ANKRD44: variants seen among roughly 807,000 people sequenced by gnomAD.
ANKRD44 encodes ankyrin repeat domain 44.
Under a neutral mutation model 116.0 loss-of-function variants are expected in ANKRD44, and 35 were observed. The observed-to-expected ratio is 0.30, with a 90% CI of 0.23 to 0.40. ANKRD44 has a LOEUF of 0.40. ANKRD44 is among the 10% of genes least tolerant of loss of function. The probability of loss-of-function intolerance (pLI) is 1.00; values close to 1 mark genes in which losing one functional copy is unlikely to be tolerated. For missense variants in ANKRD44, 1,014 were observed against 1,242.6 expected (o/e 0.82, Z 2.77); for synonymous variants, 435 against 461.8 (o/e 0.94, Z 0.74).
intron 3 of ANKRD44, 80 bp from the exon 4 acceptor site, chr2:197,136,742 G>T: frequency 8.2e-7 from 1 of 1,221,868 alleles, no homozygotes; most frequent in Non-Finnish European, 1.2e-6. Flanking sequence ...GCTGTATCTT[G>T]CTCCCATTTG....
At chr2:197,059,449 A>C (rs576910711) in intron 16 of ANKRD44, among the ~76,000 whole-genome samples, 1 of 152,320 alleles carries the variant, frequency 6.6e-6, no homozygotes, top group African/African-American at 2.4e-5. Flanking sequence ...AAAATATATA[A>C]CTTTAAAGAA....
intron 1 of ANKRD44, among the ~76,000 whole-genome samples, chr2:197,292,441 T>C: frequency 6.6e-6 from 1 of 152,246 alleles, no homozygotes; most frequent in East Asian, 1.9e-4. Context: ...ATGTTGCTCA[T>C]GTATTTTTTA....
intron 1 of ANKRD44, among the ~76,000 whole-genome samples, chr2:197,269,245 C>T (rs1450163453): frequency 1.3e-5 from 2 of 152,106 alleles, no homozygotes; most frequent in African/African-American, 4.8e-5. Flanking sequence ...TGTAAACTGG[C>T]CTTTTATAAA....
intron 8 of ANKRD44, among the ~76,000 whole-genome samples, 167 bp from the exon 9 acceptor site, chr2:197,111,011 A>G (rs1175738573): frequency 6.6e-6 from 1 of 152,184 alleles, no homozygotes; most frequent in East Asian, 1.9e-4. Context: ...GGATTTTACC[A>G]CTGTACTCCA....
At chr2:196,996,836 G>A (rs1472867984) in intron 25 of ANKRD44, among the ~76,000 whole-genome samples, 6 of 150,084 alleles carry the variant, frequency 4.0e-5, no homozygotes, top group East Asian at 3.9e-4. Context: ...CTTGGGAGGC[G>A]GAGGTTGCAG....
At chr2:197,272,505 G>T (rs865999635) in intron 1 of ANKRD44, among the ~76,000 whole-genome samples, 1 of 152,214 alleles carries the variant, frequency 6.6e-6, no homozygotes, top group Non-Finnish European at 1.5e-5. Context: ...CAAAGTGCTG[G>T]GATTACAGGC....
Position 197,125,957 on chromosome 2 carries a change from T to C in ANKRD44, c.342A>G (p.Ala114=). ...DKNWQTPLHV[A]AANKAVKCAE... is the part of the protein sequence containing the mutation. ...CACATTTGACAGCCTTGTTGGCTGCTGCCACATGAAGAGGGGTCTGCCAGT... is the reference window on the plus strand; with the variant it reads ...CACATTTGACAGCCTTGTTGGCTGCCGCCACATGAAGAGGGGTCTGCCAGT... The change falls in exon 5 of 28, where the codon GCA becomes GCG. Residue 114 remains alanine (A), a synonymous_variant. Transcript: ENST00000282272. 6.2e-7 allele frequency: 1 copy of C among 1,614,264 alleles called. No homozygotes were observed. Among genetic ancestry groups the C allele is most frequent in the Non-Finnish European group, 8.5e-7 (1 of 1,180,058 alleles).
chr2:197,223,806 T>C (rs2081639101), intron 1 of ANKRD44, among the ~76,000 whole-genome samples: 1 of 152,234 alleles, frequency 6.6e-6, no homozygotes, highest in Non-Finnish European at 1.5e-5. Context: ...TTTGTCACTT[T>C]CAGATTTTAA....
At chr2:197,283,394 C>T (rs2083319850) in intron 1 of ANKRD44, among the ~76,000 whole-genome samples, 1 of 152,086 alleles carries the variant, frequency 6.6e-6, no homozygotes, top group African/African-American at 2.4e-5. Flanking sequence ...TCGGCAGAGC[C>T]CCTGGATACA....
intron 2 of ANKRD44, among the ~76,000 whole-genome samples, chr2:197,157,990 C>T (rs1181557341): frequency 2.0e-5 from 3 of 152,116 alleles, no homozygotes; most frequent in African/African-American, 7.2e-5. Flanking sequence ...TTTGTAAGGC[C>T]CTGATATCAC....
At chr2:197,202,176 CT>C (rs970214153) in intron 1 of ANKRD44, among the ~76,000 whole-genome samples, 6 of 152,288 alleles carry the variant, frequency 3.9e-5, no homozygotes, top group Non-Finnish European at 7.3e-5. Flanking sequence ...CAACTTTTTG[CT>C]TCTTGAATTG....
chr2:197,299,651 A>C (rs2083836376), intron 1 of ANKRD44: 2 of 152,240 alleles, frequency 1.3e-5, no homozygotes, highest in African/African-American at 2.4e-5. Context: ...AAGGCATAAG[A>C]ATGATATAAT....
chr2:197,028,866 G>C (rs1489227547), intron 16 of ANKRD44: 1 of 185,856 alleles, frequency 5.4e-6, no homozygotes, highest in Non-Finnish European at 1.1e-5. Context: ...TCCTACCACA[G>C]GCGTCTTCCT....
chr2:197,053,495 TA>T (rs1007926799), intron 16 of ANKRD44, among the ~76,000 whole-genome samples: 4 of 151,258 alleles, frequency 2.6e-5, no homozygotes, highest in African/African-American at 4.9e-5. Flanking sequence ...GATATCCTTC[TA>T]AAAAAAAATG....
intron 16 of ANKRD44, among the ~76,000 whole-genome samples, chr2:197,069,190 T>C (rs924027367): frequency 3.3e-5 from 5 of 150,682 alleles, no homozygotes; most frequent in Non-Finnish European, 5.9e-5. Flanking sequence ...CCACAAACTA[T>C]CACAAGGAGA....
At chr2:197,026,040 A>C (rs2124840628) in intron 16 of ANKRD44, among the ~76,000 whole-genome samples, 1 of 113,444 alleles carries the variant, frequency 8.8e-6, no homozygotes, top group African/African-American at 3.3e-5. Flanking sequence ...GGGGAGATAA[A>C]AAGAAACAAA....
intron 2 of ANKRD44, among the ~76,000 whole-genome samples, chr2:197,171,896 G>A (rs2080242943): frequency 6.6e-6 from 1 of 151,570 alleles, no homozygotes; most frequent in African/African-American, 2.4e-5. Context: ...CAATTAAAAG[G>A]TTTCAAAAGA....
chr2:197,150,171 G>T (rs891427693), intron 2 of ANKRD44, among the ~76,000 whole-genome samples: 4 of 152,174 alleles, frequency 2.6e-5, no homozygotes, highest in African/African-American at 9.7e-5. Context: ...GCCTAGGACA[G>T]TTTGTATGAC....
intron 18 of ANKRD44, 66 bp downstream of exon 18, chr2:197,013,445 T>C: frequency 6.6e-7 from 1 of 1,509,264 alleles, no homozygotes; most frequent in Non-Finnish European, 9.1e-7. Flanking sequence ...AGATGCTGCT[T>C]TCCTTCTATT....
Sources: gnomAD v4.1 joint callset for allele counts (sites outside exome capture counted in the v4.1 genomes callset) on GRCh38, gnomAD v4.1.1 for gene constraint, MANE v1.5 for transcripts, NCBI Gene and HGNC (gene_info 2026-07-23, HGNC 2026-07-21) for gene names.